The following SMYD3 variants were observed in gnomAD, a reference collection of about 807,000 sequenced individuals.
SMYD3 encodes SET and MYND domain containing 3, also known as histone-lysine N-methyltransferase SMYD3.
SMYD3 carries 36 observed loss-of-function variants against 57.7 expected under a neutral mutation model. The observed-to-expected ratio is 0.62, with a 90% CI of 0.48 to 0.82. The LOEUF is 0.82. Ranked by LOEUF, SMYD3 falls within the 40% of genes least tolerant of loss-of-function variation. The probability of loss-of-function intolerance (pLI) is 0.00; values close to 1 mark genes in which losing one functional copy is unlikely to be tolerated. For synonymous variants in SMYD3, 211 were observed against 195.0 expected (o/e 1.08, Z -0.68); for missense variants, 515 against 538.8 (o/e 0.96, Z 0.44).
At chr1:246,222,040 T>G (rs1218213805) in intron 5 of SMYD3, among the ~76,000 whole-genome samples, 1 of 152,156 alleles carries the variant, frequency 6.6e-6, no homozygotes, top group Non-Finnish European at 1.5e-5. Context: ...TCTGAACAGA[T>G]GGGCAGTTTT....
At chr1:246,249,725 C>G (rs536866974) in intron 5 of SMYD3, among the ~76,000 whole-genome samples, 81 of 152,254 alleles carry the variant, frequency 5.3e-4, no homozygotes, top group African/African-American at 1.9e-3. Context: ...TTATGTACTT[C>G]CAAAACTTTT....
At chr1:246,247,019 A>G (rs2063715648) in intron 5 of SMYD3, among the ~76,000 whole-genome samples, 1 of 152,192 alleles carries the variant, frequency 6.6e-6, no homozygotes, top group Non-Finnish European at 1.5e-5. Context: ...TACTAAATCA[A>G]CTAAGACTAA....
intron 10 of SMYD3, among the ~76,000 whole-genome samples, chr1:245,781,583 A>G (rs945751034): frequency 1.3e-5 from 2 of 152,218 alleles, no homozygotes; most frequent in South Asian, 2.1e-4. Context: ...TTAGCACACC[A>G]ATTTGCAAGG....
At chr1:246,354,737 T>C (rs903610679) in intron 2 of SMYD3, among the ~76,000 whole-genome samples, 2 of 152,046 alleles carry the variant, frequency 1.3e-5, no homozygotes, top group African/African-American at 4.8e-5. Context: ...TTAACAGTGA[T>C]TGCCTGTGGA....
chr1:245,839,384 T>C (rs931836553), intron 10 of SMYD3, among the ~76,000 whole-genome samples: 6 of 152,150 alleles, frequency 3.9e-5, no homozygotes, highest in East Asian at 1.9e-4. Context: ...TTAGCCAGGA[T>C]GGTCTCGATC....
At chr1:245,972,407 A>G (rs965646247) in intron 5 of SMYD3, among the ~76,000 whole-genome samples, 19 of 152,248 alleles carry the variant, frequency 1.2e-4, no homozygotes, top group African/African-American at 4.6e-4. Context: ...CAGATATAAC[A>G]GAATTAGAAT....
intron 11 of SMYD3, among the ~76,000 whole-genome samples, chr1:245,750,997 TTC>T (rs2045325169): frequency 6.6e-6 from 1 of 152,196 alleles, no homozygotes; most frequent in Non-Finnish European, 1.5e-5. Flanking sequence ...TTCCAACATG[TTC>T]TCAAGGTTGA....
chr1:246,161,869 G>A (rs1051426601), intron 5 of SMYD3, among the ~76,000 whole-genome samples: 1 of 152,222 alleles, frequency 6.6e-6, no homozygotes, highest in East Asian at 1.9e-4. Flanking sequence ...GCCAATAGCA[G>A]GCTTCAAGCC....
intron 2 of SMYD3, among the ~76,000 whole-genome samples, chr1:246,338,593 G>T (rs2065581089): frequency 6.6e-6 from 1 of 152,072 alleles, no homozygotes; most frequent in Non-Finnish European, 1.5e-5. Flanking sequence ...TGGCTTGAGA[G>T]ACAAAGGAAA....
At chr1:245,779,555 A>G (rs2046749785) in intron 10 of SMYD3, among the ~76,000 whole-genome samples, 1 of 152,230 alleles carries the variant, frequency 6.6e-6, no homozygotes, top group Admixed American at 6.5e-5. Context: ...TTAGATAATC[A>G]AATCCCTACT....
At chr1:246,192,838 T>C (rs920613093) in intron 5 of SMYD3, among the ~76,000 whole-genome samples, 1 of 152,024 alleles carries the variant, frequency 6.6e-6, no homozygotes, top group African/African-American at 2.4e-5. Flanking sequence ...TAAGTCCTCC[T>C]GGGATCTTTA....
chr1:245,895,009 T>C (rs1358600533), intron 8 of SMYD3, among the ~76,000 whole-genome samples: 1 of 152,236 alleles, frequency 6.6e-6, no homozygotes, highest in Admixed American at 6.5e-5. Flanking sequence ...CATCCTGTGA[T>C]GTGGTGAACG....
At chr1:246,304,806 C>A (rs2064953027) in intron 5 of SMYD3, among the ~76,000 whole-genome samples, 1 of 152,166 alleles carries the variant, frequency 6.6e-6, no homozygotes, top group African/African-American at 2.4e-5. Flanking sequence ...AAATTAATAA[C>A]TTCATATGTA....
At chr1:245,831,695 A>G (rs2049841650) in intron 10 of SMYD3, among the ~76,000 whole-genome samples, 1 of 152,204 alleles carries the variant, frequency 6.6e-6, no homozygotes, top group African/African-American at 2.4e-5. Flanking sequence ...TTGTATTAAT[A>G]GATCCTTTGT....
rs1406656676 is a variant in SMYD3 at position 246,255,995 on chromosome 1, C to CACATACAT, written c.531+71198_531+71205dup. ...ATAGATAGATAGATAGATACACACA[C>CACATACAT]ACATACATACATACATAGATACATA... is the stretch of plus-strand genomic sequence containing the variant. On this transcript the variant is annotated intron_variant, in intron 5 of 11. Transcript: ENST00000490107. Among the ~76,000 whole-genome samples, 42 of 143,828 alleles carry CACATACAT rather than the reference C, an allele frequency of 2.9e-4. No homozygotes were observed. In the East Asian group the frequency reaches 8.9e-3, roughly 30 times the overall value. 94.4% of individuals were successfully genotyped at this position (143,828 alleles called of 152,430 possible). A position where few individuals can be genotyped will look rare whatever the true frequency, so the allele number is the denominator to read the frequency against.
At chr1:246,345,500 T>C (rs942416564) in intron 2 of SMYD3, among the ~76,000 whole-genome samples, 3 of 152,216 alleles carry the variant, frequency 2.0e-5, no homozygotes, top group African/African-American at 7.2e-5. Flanking sequence ...TTATACTTAC[T>C]GGCTGAACCA....
At chr1:245,966,229 T>C (rs1371768474) in intron 5 of SMYD3, among the ~76,000 whole-genome samples, 2 of 152,138 alleles carry the variant, frequency 1.3e-5, no homozygotes, top group Non-Finnish European at 2.9e-5. Context: ...TGAAGTACAG[T>C]GGTGCCATCA....
intron 5 of SMYD3, among the ~76,000 whole-genome samples, chr1:245,973,085 T>G (rs1372911782): frequency 6.6e-6 from 1 of 152,184 alleles, no homozygotes; most frequent in Non-Finnish European, 1.5e-5. Flanking sequence ...CATTGAAGGT[T>G]CCACGGCCAC....
intron 5 of SMYD3, among the ~76,000 whole-genome samples, chr1:246,296,564 T>C (rs577587963): frequency 6.6e-6 from 1 of 152,224 alleles, no homozygotes; most frequent in Admixed American, 6.5e-5. Flanking sequence ...TATATTTATA[T>C]ACAAAATAAC....
Sources: gnomAD v4.1 joint callset for allele counts (sites outside exome capture counted in the v4.1 genomes callset) on GRCh38, gnomAD v4.1.1 for gene constraint, MANE v1.5 for transcripts, NCBI Gene and HGNC (gene_info 2026-07-23, HGNC 2026-07-21) for gene names.